KSR2: variants seen among roughly 807,000 people sequenced by gnomAD.
KSR2 encodes kinase suppressor of ras 2.
Under a neutral mutation model 107.8 loss-of-function variants are expected in KSR2, and 25 were observed. The ratio of observed to expected loss-of-function variants is 0.23; its 90% CI spans 0.17 to 0.32. KSR2 has a LOEUF of 0.32. Among genes scored for constraint, KSR2 ranks in the 10% least tolerant of loss-of-function variants. KSR2 has a pLI of 1.00. For synonymous variants in KSR2, 480 were observed against 507.0 expected (o/e 0.95, Z 0.71); for missense variants, 887 against 1,268.9 (o/e 0.70, Z 4.57).
chr12:117,755,729 G>A (rs1012172486), intron 4 of KSR2, among the ~76,000 whole-genome samples: 3 of 152,180 alleles, frequency 2.0e-5, no homozygotes, highest in African/African-American at 7.2e-5. Flanking sequence ...AAATGATTAC[G>A]CTTAGTGAGG....
At chr12:117,627,071 C>G (rs889108798) in intron 5 of KSR2, among the ~76,000 whole-genome samples, 4 of 151,914 alleles carry the variant, frequency 2.6e-5, no homozygotes, top group Non-Finnish European at 5.9e-5. Flanking sequence ...TCCTCCATCC[C>G]TTTATTTTGA....
Position 117,780,861 on chromosome 12 carries a change from A to T in KSR2, c.473-19337T>A, listed in dbSNP as rs746141353. Among the ~76,000 whole-genome samples the T allele has an allele frequency of 1.2e-4, 19 of 152,244 alleles. 1 individual carries two copies. Among genetic ancestry groups the T allele is most frequent in the Non-Finnish European group, 1.8e-4 (12 of 68,044 alleles). On this transcript the variant is annotated intron_variant, in intron 3 of 19. Coordinates refer to ENST00000339824, the MANE Select transcript of KSR2 (RefSeq NM_173598.6). Reference sequence around the variant, plus strand: ...AGAAGAGATGGGCGCTAAACAAGGAATCACATCTCACAATGTCATAAAGGT... The same window carrying T: ...AGAAGAGATGGGCGCTAAACAAGGATTCACATCTCACAATGTCATAAAGGT...
intron 7 of KSR2, among the ~76,000 whole-genome samples, chr12:117,566,812 T>G (rs1044723883): frequency 2.0e-5 from 3 of 152,116 alleles, no homozygotes; most frequent in African/African-American, 7.2e-5. Context: ...AGCAAGAAAT[T>G]TACTGTCCAA....
chr12:117,956,857 C>T (rs996800052), intron 1 of KSR2, among the ~76,000 whole-genome samples: 5 of 152,160 alleles, frequency 3.3e-5, no homozygotes, highest in African/African-American at 9.7e-5. Context: ...ACCGTATTTC[C>T]GTTGGTCAAT....
intron 3 of KSR2, among the ~76,000 whole-genome samples, chr12:117,793,808 ACACACCAACATGC>A (rs1890420780): frequency 7.3e-6 from 1 of 137,490 alleles, no homozygotes. Context: ...TGCAACATGC[ACACACCAACATGC>A]ACACTCACAC....
intron 4 of KSR2, among the ~76,000 whole-genome samples, chr12:117,678,239 C>T (rs1309125215): frequency 2.6e-5 from 4 of 151,960 alleles, no homozygotes; most frequent in Admixed American, 1.3e-4. Context: ...CATGAGCCAC[C>T]GCACCGGGCC....
At chr12:117,934,424 G>A (rs913376740) in intron 1 of KSR2, among the ~76,000 whole-genome samples, 5 of 152,232 alleles carry the variant, frequency 3.3e-5, no homozygotes, top group Admixed American at 6.5e-5. Context: ...AAATGCAAGT[G>A]TGGCACTTCC....
chr12:117,803,340 A>G (rs939825754), intron 3 of KSR2, among the ~76,000 whole-genome samples: 1 of 152,322 alleles, frequency 6.6e-6, no homozygotes, highest in East Asian at 1.9e-4. Context: ...CCTTTTGCCA[A>G]GGTATCTTCC....
At chr12:117,543,560 A>G (rs1471024989) in intron 9 of KSR2, among the ~76,000 whole-genome samples, 1 of 152,216 alleles carries the variant, frequency 6.6e-6, no homozygotes, top group Non-Finnish European at 1.5e-5. Flanking sequence ...TAGAATAATC[A>G]TGTCTTTATT....
intron 1 of KSR2, among the ~76,000 whole-genome samples, chr12:117,884,071 A>G (rs35222257): frequency 0.012 from 1,870 of 152,178 alleles, 15 homozygotes; most frequent in Middle Eastern, 0.034. Context: ...AAAGCAACCT[A>G]GTGAGAAATG....
intron 4 of KSR2, among the ~76,000 whole-genome samples, chr12:117,748,351 G>C (rs537817419): frequency 6.6e-6 from 1 of 152,192 alleles, no homozygotes; most frequent in African/African-American, 2.4e-5. Context: ...TTAGATAGGA[G>C]GAATAAGTTT....
intron 4 of KSR2, among the ~76,000 whole-genome samples, chr12:117,713,078 G>T (rs967675232): frequency 3.4e-5 from 5 of 149,236 alleles, no homozygotes; most frequent in Non-Finnish European, 7.4e-5. Flanking sequence ...TATATAGATA[G>T]ATTATAGATA....
chr12:117,551,119 T>G (rs1428842444), intron 9 of KSR2, among the ~76,000 whole-genome samples: 3 of 152,198 alleles, frequency 2.0e-5, no homozygotes, highest in Non-Finnish European at 2.9e-5. Context: ...TTTGATGGCT[T>G]GATGTGGAAG....
chr12:117,510,737 G>T (rs1873971069), intron 14 of KSR2, among the ~76,000 whole-genome samples: 1 of 152,070 alleles, frequency 6.6e-6, no homozygotes, highest in Non-Finnish European at 1.5e-5. Flanking sequence ...AATTAGCCAG[G>T]CATGGTGGCA....
rs545861337 is a variant in KSR2, at chr12:117,754,385, C to T, written c.986+6626G>A. The stretch of plus-strand genomic sequence containing the variant: ...AGGCATGGTGGCTCACACCTGTAAT[C>T]CCAGCACTTTGGGAGGCTGAGGCGG... On this transcript the variant is annotated intron_variant, in intron 4 of 19. Transcript: ENST00000339824. Among the ~76,000 whole-genome samples the T allele has an allele frequency of 6.0e-4, 92 of 152,242 alleles. 2 individuals carry two copies. The highest frequency in any genetic ancestry group is 4.6e-4 in the Admixed American group (7 of 15,298).
intron 3 of KSR2, among the ~76,000 whole-genome samples, chr12:117,775,416 C>T (rs1331977017): frequency 6.6e-6 from 1 of 152,218 alleles, no homozygotes; most frequent in Non-Finnish European, 1.5e-5. Flanking sequence ...ATTTATCGAG[C>T]ACTTACTGTG....
At chr12:117,762,839 G>T (rs1593211104) in intron 3 of KSR2, among the ~76,000 whole-genome samples, 1 of 151,792 alleles carries the variant, frequency 6.6e-6, no homozygotes, top group Non-Finnish European at 1.5e-5. Context: ...TTGCACTCCA[G>T]CCTGGGCAAC....
chr12:117,497,282 A>C (rs1267206866), intron 14 of KSR2, among the ~76,000 whole-genome samples: 1 of 152,178 alleles, frequency 6.6e-6, no homozygotes, highest in Non-Finnish European at 1.5e-5. Context: ...CAATATGCAA[A>C]TAAAATAATT....
At position 117,761,491 on chromosome 12, in the gene KSR2, T is replaced by C. The variant is rs759072532; in HGVS notation, c.506A>G (p.Gln169Arg). 3 of 1,613,256 alleles carry C rather than the reference T, an allele frequency of 1.9e-6. No individual in the cohort carries two copies. Among genetic ancestry groups the C allele is most frequent in the East Asian group, 4.5e-5 (2 of 44,872 alleles). The part of the protein sequence containing the change: ...GNLSKQDWTI[Q>R]WPTTETGKEN... ...CTTCCCCGTCTCTGTCGTGGGCCAC[T>C]GGATGGTCCAGTCTTGTTTGGAAAG... is the stretch of plus-strand genomic sequence containing the variant. Residue 169 changes from glutamine (Q) to arginine (R), a missense_variant, in exon 4 of 20, where the codon CAG becomes CGG. By Grantham distance (43) the Gln-to-Arg change is conservative. Coordinates refer to ENST00000339824, the MANE Select transcript of KSR2 (RefSeq NM_173598.6).
Sources: gnomAD v4.1 joint callset for allele counts (sites outside exome capture counted in the v4.1 genomes callset) on GRCh38, gnomAD v4.1.1 for gene constraint, MANE v1.5 for transcripts, NCBI Gene and HGNC (gene_info 2026-07-23, HGNC 2026-07-21) for gene names.